The following CFAP299 variants were observed in gnomAD, a reference collection of about 807,000 sequenced individuals.
CFAP299 encodes the protein cilia and flagella associated protein 299, also known as cilia- and flagella-associated protein 299.
Under a neutral mutation model 27.0 loss-of-function variants are expected in CFAP299, and 21 were observed. The observed-to-expected ratio is 0.78, with a 90% CI of 0.55 to 1.12. The LOEUF is 1.12. CFAP299 is among the 50% of genes most tolerant of loss of function. CFAP299 has a pLI of 0.00. For missense variants in CFAP299, 310 were observed against 276.6 expected, an observed-to-expected ratio of 1.12 and a Z score of -0.86; for synonymous variants, 104 against 98.1, an observed-to-expected ratio of 1.06 and a Z score of -0.36.
intron 3 of CFAP299, among the ~76,000 whole-genome samples, chr4:80,679,739 TG>T (rs1393775415): frequency 6.3e-5 from 3 of 47,610 alleles, no homozygotes; most frequent in Non-Finnish European, 1.5e-4. Flanking sequence ...AATCTGTGTG[TG>T]GGTTTTTTTT....
chr4:80,951,062 T>C (rs1453760769), intron 5 of CFAP299, among the ~76,000 whole-genome samples: 7 of 152,178 alleles, frequency 4.6e-5, no homozygotes, highest in Non-Finnish European at 8.8e-5. Context: ...CTAAACTTCA[T>C]TGGTGTGATT....
In CFAP299 at chr4:80,576,234, TTTC is replaced by T. The variant is rs1206099909; in HGVS notation, c.243-6855_243-6853del. On this transcript the variant is annotated intron_variant, in intron 2 of 5. Transcript: ENST00000358105. The stretch of plus-strand genomic sequence containing the variant: ...TATATATATAAAATCTCTTTCTTAG[TTTC>T]TTCATTGACCCACTGGTCATTCAAG... Among the ~76,000 whole-genome samples, 11 of 149,746 alleles carry T rather than the reference TTTC, an allele frequency of 7.3e-5. No individual in the cohort carries two copies. The East Asian group carries it at 1.8e-3, about 24-fold the overall frequency.
intron 2 of CFAP299, among the ~76,000 whole-genome samples, chr4:80,380,047 A>G (rs910326533): frequency 2.6e-5 from 4 of 152,132 alleles, no homozygotes; most frequent in Non-Finnish European, 5.9e-5. Flanking sequence ...ATCTTTTAAA[A>G]TACTATCTTT....
intron 2 of CFAP299, among the ~76,000 whole-genome samples, chr4:80,572,507 G>GTCTTTTTTTTTTTTT (rs1735632495): frequency 2.7e-5 from 1 of 36,380 alleles, no homozygotes; most frequent in Non-Finnish European, 5.2e-5. Flanking sequence ...CTGGATCCCA[G>GTCTTTTTTTTTTTTT]TTTTTTTTTT....
At chr4:80,707,312 A>G (rs1259594219) in intron 3 of CFAP299, among the ~76,000 whole-genome samples, 1 of 151,266 alleles carries the variant, frequency 6.6e-6, no homozygotes, top group East Asian at 1.9e-4. Context: ...TAATCAAAAG[A>G]AGAAGAATAT....
intron 2 of CFAP299, among the ~76,000 whole-genome samples, chr4:80,532,222 C>A (rs892416297): frequency 3.9e-5 from 6 of 151,952 alleles, no homozygotes; most frequent in Non-Finnish European, 7.4e-5. Flanking sequence ...TAGATTTTGG[C>A]TCTTTTGGAA....
intron 2 of CFAP299, among the ~76,000 whole-genome samples, chr4:80,498,595 A>G (rs548725676): frequency 2.0e-4 from 31 of 152,092 alleles, no homozygotes; most frequent in South Asian, 1.5e-3. Flanking sequence ...AAAAAAAATC[A>G]GATGATGGTG....
rs143975672 is a variant in CFAP299, at chr4:80,883,106, A to G, written c.476+12971A>G. Reference sequence around the variant, plus strand: ...TAACTACAATAATTTGCTAATAAATATACAATATTAAAAGTTATACATTTT... The same window carrying G: ...TAACTACAATAATTTGCTAATAAATGTACAATATTAAAAGTTATACATTTT... On this transcript the variant is annotated intron_variant, in intron 4 of 5. Transcript: ENST00000358105. Among the ~76,000 whole-genome samples, 904 of 152,300 alleles carry G rather than the reference A, an allele frequency of 5.9e-3. 13 individuals carry two copies. Among genetic ancestry groups the G allele is most frequent in the South Asian group, 0.057 (274 of 4,828 alleles).
At position 80,583,190 on chromosome 4, in the gene CFAP299, A is replaced by G. The variant is rs936084186; in HGVS notation, c.333+7A>G. 13 of 1,578,270 alleles carry G rather than the reference A, an allele frequency of 8.2e-6. No individual in the cohort carries two copies. Among genetic ancestry groups the G allele is most frequent in the Non-Finnish European group, 1.0e-5 (12 of 1,153,008 alleles). ...TCGCAGTGGAAAACTGAGTGTAAGTACATTTCATCCAACAGCTTAAAATGT... is the reference window on the plus strand; with the variant it reads ...TCGCAGTGGAAAACTGAGTGTAAGTGCATTTCATCCAACAGCTTAAAATGT... On this transcript the variant is annotated splice_region_variant and intron_variant, in intron 3 of 5. Coordinates refer to ENST00000358105, the MANE Select transcript of CFAP299 (RefSeq NM_152770.3).
chr4:80,630,969 C>G (rs936594281), intron 3 of CFAP299, among the ~76,000 whole-genome samples: 7 of 152,012 alleles, frequency 4.6e-5, no homozygotes, highest in African/African-American at 1.4e-4. Flanking sequence ...GCTATTTAGA[C>G]TGTTAAAATA....
At chr4:80,651,380 T>G (rs1740284031) in intron 3 of CFAP299, among the ~76,000 whole-genome samples, 1 of 148,226 alleles carries the variant, frequency 6.7e-6, no homozygotes, top group Non-Finnish European at 1.5e-5. Flanking sequence ...TTTTTTTTTT[T>G]GTTGAGACAG....
intron 3 of CFAP299, among the ~76,000 whole-genome samples, chr4:80,591,104 A>ATTTTTTTT (rs1339201630): frequency 3.3e-4 from 38 of 116,530 alleles, no homozygotes; most frequent in South Asian, 6.3e-4. Flanking sequence ...TACTTTAGGA[A>ATTTTTTTT]ATTTTTTTTT....
chr4:80,401,153 G>T (rs1726131888), intron 2 of CFAP299, among the ~76,000 whole-genome samples: 1 of 152,194 alleles, frequency 6.6e-6, no homozygotes, highest in Non-Finnish European at 1.5e-5. Context: ...TAAAAGTTTG[G>T]AACATTTGCA....
intron 2 of CFAP299, among the ~76,000 whole-genome samples, chr4:80,428,277 A>G (rs577676396): frequency 6.6e-6 from 1 of 152,274 alleles, no homozygotes; most frequent in South Asian, 2.1e-4. Context: ...CCAAGTTCCT[A>G]CATTCATTCT....
At chr4:80,672,735 G>A (rs1193754967) in intron 3 of CFAP299, among the ~76,000 whole-genome samples, 1 of 151,968 alleles carries the variant, frequency 6.6e-6, no homozygotes, top group Non-Finnish European at 1.5e-5. Flanking sequence ...CTCTTGGGAG[G>A]GTGTATGTGT....
chr4:80,717,284 G>A (rs1275991498), intron 3 of CFAP299, among the ~76,000 whole-genome samples: 1 of 152,054 alleles, frequency 6.6e-6, no homozygotes, highest in Non-Finnish European at 1.5e-5. Flanking sequence ...CTTTGTAAGT[G>A]AGCATGTGTA....
At chr4:80,325,974 C>G in the CFAP299 span, among the ~76,000 whole-genome samples, 1 of 152,184 alleles carries the variant, frequency 6.6e-6, no homozygotes, top group Non-Finnish European at 1.5e-5. Context: ...TGAAATTTAT[C>G]CAAGCCAGAT....
chr4:80,748,876 A>T (rs1402070912), intron 3 of CFAP299, among the ~76,000 whole-genome samples: 1 of 152,156 alleles, frequency 6.6e-6, no homozygotes, highest in East Asian at 1.9e-4. Context: ...GACAATTGAC[A>T]GGGTTTATAT....
At chr4:80,479,483 A>C (rs1730448053) in intron 2 of CFAP299, among the ~76,000 whole-genome samples, 2 of 152,022 alleles carry the variant, frequency 1.3e-5, no homozygotes, top group African/African-American at 4.8e-5. Flanking sequence ...TGCATACAAA[A>C]AGCAGGTAAA....
Sources: gnomAD v4.1 joint callset for allele counts (sites outside exome capture counted in the v4.1 genomes callset) on GRCh38, gnomAD v4.1.1 for gene constraint, MANE v1.5 for transcripts, NCBI Gene and HGNC (gene_info 2026-07-23, HGNC 2026-07-21) for gene names.